RALGPS1: variants seen among roughly 807,000 people sequenced by gnomAD.
RALGPS1 encodes the protein Ral GEF with PH domain and SH3 binding motif 1.
In RALGPS1, 19 loss-of-function variants were observed where a neutral mutation model predicts 78.8. The observed-to-expected ratio is 0.24, with a 90% CI of 0.17 to 0.35. The LOEUF is 0.35. RALGPS1 is among the 10% of genes least tolerant of loss of function. RALGPS1 has a pLI of 1.00. For synonymous variants in RALGPS1, 228 were observed against 256.3 expected (o/e 0.89, Z 1.06); for missense variants, 454 against 688.3 (o/e 0.66, Z 3.81).
At chr9:127,112,502 AG>A (rs1470784643) in intron 8 of RALGPS1, among the ~76,000 whole-genome samples, 5 of 152,176 alleles carry the variant, frequency 3.3e-5, no homozygotes, top group South Asian at 2.1e-4. Context: ...CTGCAAGACA[AG>A]GTTGGTTTCC....
At chr9:127,065,259 G>T (rs1295597975) in intron 7 of RALGPS1, among the ~76,000 whole-genome samples, 1 of 152,026 alleles carries the variant, frequency 6.6e-6, no homozygotes, top group African/African-American at 2.4e-5. Flanking sequence ...GATTACAGGC[G>T]CACACCACCA....
intron 3 of RALGPS1, among the ~76,000 whole-genome samples, chr9:126,973,463 T>A (rs942886794): frequency 2.6e-5 from 4 of 152,202 alleles, no homozygotes; most frequent in Admixed American, 6.5e-5. Flanking sequence ...TAGGTGTATA[T>A]ACTTGAGTGA....
At chr9:127,126,558 C>G (rs1488924503) in intron 8 of RALGPS1, among the ~76,000 whole-genome samples, 1 of 152,196 alleles carries the variant, frequency 6.6e-6, no homozygotes, top group East Asian at 1.9e-4. Flanking sequence ...CTTTTCTTGT[C>G]TCATGCTTCA....
intron 1 of RALGPS1, among the ~76,000 whole-genome samples, chr9:126,919,929 G>A (rs1318063626): frequency 1.3e-5 from 2 of 152,144 alleles, no homozygotes; most frequent in Non-Finnish European, 2.9e-5. Flanking sequence ...TCTCCCTGGG[G>A]TGGTTTGGAA....
At chr9:127,187,999 C>T (rs557998588) in intron 11 of RALGPS1, among the ~76,000 whole-genome samples, 6 of 150,678 alleles carry the variant, frequency 4.0e-5, no homozygotes, top group South Asian at 2.1e-4. Flanking sequence ...CAAGAAACTC[C>T]GTTTTTAACA....
intron 3 of RALGPS1, among the ~76,000 whole-genome samples, chr9:126,975,128 C>T (rs2040481351): frequency 6.6e-6 from 1 of 152,176 alleles, no homozygotes; most frequent in African/African-American, 2.4e-5. Flanking sequence ...TATCCTTGCT[C>T]TAGATACTGT....
chr9:127,181,219 T>G (rs1307618000), intron 11 of RALGPS1, among the ~76,000 whole-genome samples: 1 of 152,224 alleles, frequency 6.6e-6, no homozygotes, highest in African/African-American at 2.4e-5. Flanking sequence ...CCTCAGCTGT[T>G]CCACAGGAGG....
At chr9:127,114,237 A>T (rs1004972343) in intron 8 of RALGPS1, among the ~76,000 whole-genome samples, 8 of 152,230 alleles carry the variant, frequency 5.3e-5, no homozygotes, top group African/African-American at 1.9e-4. Context: ...TTTATATTGT[A>T]GCAATTTTCT....
At chr9:126,925,129 A>AACAT (rs2035144710) in intron 1 of RALGPS1, among the ~76,000 whole-genome samples, 1 of 151,964 alleles carries the variant, frequency 6.6e-6, no homozygotes, top group East Asian at 1.9e-4. Context: ...CTCCATCTCA[A>AACAT]AAATAAATAA....
chr9:127,150,023 T>A (rs566671431), intron 8 of RALGPS1, among the ~76,000 whole-genome samples: 1 of 152,270 alleles, frequency 6.6e-6, no homozygotes, highest in African/African-American at 2.4e-5. Flanking sequence ...GGACCCAGAC[T>A]CAAGAGTCAG....
At chr9:126,953,941 A>C (rs1272662206) in intron 1 of RALGPS1, among the ~76,000 whole-genome samples, 1 of 152,026 alleles carries the variant, frequency 6.6e-6, no homozygotes, top group Non-Finnish European at 1.5e-5. Flanking sequence ...GTGGGAGAGG[A>C]CACCTGCCAC....
intron 8 of RALGPS1, among the ~76,000 whole-genome samples, chr9:127,085,965 G>T (rs1021228130): frequency 6.6e-6 from 1 of 152,180 alleles, no homozygotes; most frequent in African/African-American, 2.4e-5. Flanking sequence ...CTTAATTGAT[G>T]CCTGACACCC....
chr9:126,981,820 A>G (rs573385987), intron 4 of RALGPS1, among the ~76,000 whole-genome samples: 3 of 152,282 alleles, frequency 2.0e-5, no homozygotes, highest in East Asian at 1.9e-4. Context: ...ATAAGCATTT[A>G]TCTCTCATAG....
chr9:127,043,590 A>G lies in RALGPS1; in HGVS notation c.301-6453A>G, dbSNP rs1039865428. Among the ~76,000 whole-genome samples the G allele has an allele frequency of 2.6e-5, 4 of 152,208 alleles. No homozygotes were observed. The East Asian group carries it at 7.7e-4, about 29-fold the overall frequency. On this transcript the variant is annotated intron_variant, in intron 5 of 18. Transcript: ENST00000259351. ...AAAACACCAAAAGCAGAATTCATGA[A>G]AGAAAAAATAAGTTGGAACTTTATG...
intron 7 of RALGPS1, among the ~76,000 whole-genome samples, chr9:127,062,903 T>C (rs1191614157): frequency 1.3e-5 from 2 of 152,232 alleles, no homozygotes; most frequent in Non-Finnish European, 2.9e-5. Flanking sequence ...AAAAATTATT[T>C]TAAAAATTCC....
chr9:127,060,700 G>A (rs1006437891), intron 7 of RALGPS1, among the ~76,000 whole-genome samples: 1 of 152,038 alleles, frequency 6.6e-6, no homozygotes, highest in Non-Finnish European at 1.5e-5. Context: ...CCCTCACACC[G>A]TTACTGGAGT....
chr9:127,178,217 C>A, intron 11 of RALGPS1: 1 of 412,290 alleles, frequency 2.4e-6, no homozygotes, highest in Non-Finnish European at 4.3e-6. Flanking sequence ...AGCCCTCAGT[C>A]TGCCACCAGA....
chr9:126,967,115 G>GCTT (rs1445726671), intron 3 of RALGPS1, among the ~76,000 whole-genome samples: 7 of 152,138 alleles, frequency 4.6e-5, no homozygotes, highest in African/African-American at 1.7e-4. Context: ...GCCATCATTG[G>GCTT]CTTCTTCCGT....
chr9:127,153,274 A>G (rs556921462), intron 8 of RALGPS1, among the ~76,000 whole-genome samples: 1 of 152,128 alleles, frequency 6.6e-6, no homozygotes, highest in South Asian at 2.1e-4. Context: ...TGCTGAAGAC[A>G]TAGATAACCC....
Sources: gnomAD v4.1 joint callset for allele counts (sites outside exome capture counted in the v4.1 genomes callset) on GRCh38, gnomAD v4.1.1 for gene constraint, MANE v1.5 for transcripts, NCBI Gene and HGNC (gene_info 2026-07-23, HGNC 2026-07-21) for gene names.